ALOX5: variants seen among roughly 807,000 people sequenced by gnomAD.
ALOX5 encodes the protein arachidonate 5-lipoxygenase, also known as polyunsaturated fatty acid 5-lipoxygenase.
Under a neutral mutation model 87.9 loss-of-function variants are expected in ALOX5, and 64 were observed. The ratio of observed to expected loss-of-function variants is 0.73; its 90% CI spans 0.60 to 0.90. ALOX5 has a LOEUF of 0.90. Ranked by LOEUF, ALOX5 falls within the 40% of genes least tolerant of loss-of-function variation. The pLI is 0.00. For missense variants in ALOX5, 822 were observed against 907.5 expected (o/e 0.91, Z 1.21); for synonymous variants, 388 against 355.1 (o/e 1.09, Z -1.04).
intron 3 of ALOX5, among the ~76,000 whole-genome samples, chr10:45,409,505 GTCTGTCTC>G (rs1564428624): frequency 1.0e-5 from 1 of 95,810 alleles, no homozygotes; most frequent in African/African-American, 3.4e-5. Context: ...CTCTCTGTCT[GTCTGTCTC>G]TCTCTCTCTC....
intron 6 of ALOX5, among the ~76,000 whole-genome samples, chr10:45,427,206 G>GC (rs1841740193): frequency 6.6e-6 from 1 of 152,190 alleles, no homozygotes; most frequent in Admixed American, 6.5e-5. Context: ...ACCTTCACCA[G>GC]CCTGGGTGGT....
intron 4 of ALOX5, among the ~76,000 whole-genome samples, chr10:45,413,532 C>T (rs534403631): frequency 6.6e-6 from 1 of 152,260 alleles, no homozygotes; most frequent in African/African-American, 2.4e-5. Context: ...AAAACTGGCA[C>T]AAGACAGGGA....
chr10:45,390,641 A>G (rs1274834119), intron 2 of ALOX5, among the ~76,000 whole-genome samples: 1 of 152,230 alleles, frequency 6.6e-6, no homozygotes, highest in Admixed American at 6.5e-5. Context: ...CTTTGAAACC[A>G]ATGAGAACAA....
At position 45,389,037 on chromosome 10, in the gene ALOX5, G is replaced by A. The variant is rs370370993; in HGVS notation, c.349+6356G>A. 8.5e-5 allele frequency among the ~76,000 whole-genome samples: 13 copies of A among 152,230 alleles called. No individual in the cohort carries two copies. The East Asian group carries it at 9.6e-4, about 11-fold the overall frequency. On this transcript the variant is annotated intron_variant, in intron 2 of 13. Coordinates refer to ENST00000374391, the MANE Select transcript of ALOX5 (RefSeq NM_000698.5). ...CTGAAAAACATGGCACGAGAACTAT[G>A]TGACGAATGCACAAGCTTCAGTAGC...
intron 4 of ALOX5, among the ~76,000 whole-genome samples, chr10:45,423,613 G>A (rs1190106548): frequency 4.6e-5 from 7 of 152,174 alleles, no homozygotes; most frequent in South Asian, 2.1e-4. Flanking sequence ...CACCAAACAC[G>A]GAGCCATTTA....
At chr10:45,419,957 C>T (rs1203315857) in intron 4 of ALOX5, among the ~76,000 whole-genome samples, 1 of 152,128 alleles carries the variant, frequency 6.6e-6, no homozygotes, top group Non-Finnish European at 1.5e-5. Context: ...AGGGGGCCTG[C>T]TGGCCTGGCA....
intron 7 of ALOX5, among the ~76,000 whole-genome samples, chr10:45,435,157 C>T (rs1246856329): frequency 1.3e-5 from 2 of 151,980 alleles, no homozygotes; most frequent in African/African-American, 2.4e-5. Flanking sequence ...AGGTGAGGCC[C>T]GGTCAGGCCG....
chr10:45,392,455 A>G (rs886797326), intron 2 of ALOX5, among the ~76,000 whole-genome samples: 18 of 151,578 alleles, frequency 1.2e-4, no homozygotes, highest in Admixed American at 3.9e-4. Flanking sequence ...ACTCAGGGTT[A>G]AATGGATTAA....
chr10:45,441,629 A>T (rs538957675), intron 9 of ALOX5, 199 bp downstream of exon 9: 1 of 526,710 alleles, frequency 1.9e-6, no homozygotes, highest in African/African-American at 1.9e-5. Flanking sequence ...GCGCACCACC[A>T]GGTCTTCCTT....
At position 45,412,242 on chromosome 10, in the gene ALOX5, C is replaced by G. The variant is rs770266202; in HGVS notation, c.483C>G (p.His161Gln). The change falls in exon 4 of 14, where the codon CAC becomes CAG. Residue 161 changes from histidine (H) to glutamine (Q), a missense_variant. Physicochemically the swap from His to Gln is conservative, Grantham distance 24. Coordinates refer to ENST00000374391, the MANE Select transcript of ALOX5 (RefSeq NM_000698.5). ...CCTTGAGCATCGATGCCAAATGCCACAAGGATTTACCCCGTGATATCCAGT... is the reference window on the plus strand; with the variant it reads ...CCTTGAGCATCGATGCCAAATGCCAGAAGGATTTACCCCGTGATATCCAGT... ...GFPLSIDAKC[H>Q]KDLPRDIQFD... 5.0e-6 allele frequency: 8 copies of G among 1,614,038 alleles called. No individual in the cohort carries two copies. The highest frequency in any genetic ancestry group is 6.8e-6 in the Non-Finnish European group (8 of 1,180,026).
intron 7 of ALOX5, among the ~76,000 whole-genome samples, chr10:45,433,047 T>C (rs1022284948): frequency 1.3e-5 from 2 of 152,188 alleles, no homozygotes; most frequent in African/African-American, 4.8e-5. Flanking sequence ...AACCAGCATA[T>C]GGAAAAACTC....
intron 6 of ALOX5, chr10:45,428,339 G>T: frequency 2.0e-6 from 1 of 493,232 alleles, no homozygotes; most frequent in South Asian, 3.7e-5. Flanking sequence ...CACTCGGGTC[G>T]GTCTCTCATC....
In ALOX5 at chr10:45,440,514, C is replaced by G; in HGVS notation, c.1066C>G (p.Arg356Gly). 6.2e-7 allele frequency: 1 copy of G among 1,614,214 alleles called. No individual in the cohort carries two copies. Among genetic ancestry groups the G allele is most frequent in the Non-Finnish European group, 8.5e-7 (1 of 1,180,034 alleles). ...CTGGCTTTTGGCCAAAATCTGGGTG[C>G]GTTCCAGTGACTTCCACGTCCACCA... ...YDWLLAKIWV[R>G]SSDFHVHQTI... is the part of the protein sequence containing the mutation. Residue 356 changes from arginine to glycine, a missense_variant, in exon 8 of 14, where the codon CGT becomes GGT. Arg to Gly is a moderately radical substitution (Grantham distance 125). Coordinates refer to ENST00000374391, the MANE Select transcript of ALOX5 (RefSeq NM_000698.5).
At chr10:45,376,761 G>A (rs1839629180) in intron 1 of ALOX5, among the ~76,000 whole-genome samples, 1 of 152,146 alleles carries the variant, frequency 6.6e-6, no homozygotes, top group Admixed American at 6.5e-5. Context: ...GATAAAGTGA[G>A]TCACAGGTCC....
chr10:45,374,761 C>T (rs1438052880), intron 1 of ALOX5, among the ~76,000 whole-genome samples: 2 of 152,178 alleles, frequency 1.3e-5, no homozygotes, highest in Admixed American at 6.5e-5. Context: ...AAGATCTGGG[C>T]TCCGAGGCTC....
intron 2 of ALOX5, among the ~76,000 whole-genome samples, chr10:45,389,855 A>G (rs1342959432): frequency 6.6e-6 from 1 of 152,234 alleles, no homozygotes; most frequent in Non-Finnish European, 1.5e-5. Flanking sequence ...ATTAACCATA[A>G]ATGTAAATGG....
At chr10:45,407,717 A>G (rs991050314) in intron 3 of ALOX5, among the ~76,000 whole-genome samples, 2 of 152,212 alleles carry the variant, frequency 1.3e-5, no homozygotes, top group African/African-American at 4.8e-5. Flanking sequence ...TGCATTTTAC[A>G]TAAGAGAACA....
intron 3 of ALOX5, among the ~76,000 whole-genome samples, chr10:45,407,402 T>G (rs551001577): frequency 7.1e-6 from 1 of 141,316 alleles, no homozygotes; most frequent in East Asian, 2.0e-4. Context: ...TTTTTTTTTT[T>G]CCCCCCCACC....
chr10:45,375,574 C>T (rs550374547), intron 1 of ALOX5, among the ~76,000 whole-genome samples: 1 of 152,234 alleles, frequency 6.6e-6, no homozygotes, highest in Admixed American at 6.5e-5. Flanking sequence ...TGGACAAATA[C>T]AACCGGCAAG....
Sources: gnomAD v4.1 joint callset for allele counts (sites outside exome capture counted in the v4.1 genomes callset) on GRCh38, gnomAD v4.1.1 for gene constraint, MANE v1.5 for transcripts, NCBI Gene and HGNC (gene_info 2026-07-23, HGNC 2026-07-21) for gene names.